The following CD48 variants were observed in gnomAD, a reference collection of about 807,000 sequenced individuals.
CD48 encodes the protein CD48 antigen.
A neutral mutation model predicts 22.0 loss-of-function variants in CD48; 20 were observed. That is an observed-to-expected ratio of 0.91 (90% CI 0.64 to 1.32). The LOEUF (loss-of-function observed/expected upper bound fraction) is 1.32. CD48 is among the 40% of genes most tolerant of loss of function. The pLI is 0.00. For synonymous variants in CD48, 110 were observed against 110.1 expected (o/e 1.00, Z 0.01); for missense variants, 307 against 286.5 (o/e 1.07, Z -0.52).
At chr1:160,704,058 G>T (rs746732276) in intron 1 of CD48, among the ~76,000 whole-genome samples, 1 of 152,134 alleles carries the variant, frequency 6.6e-6, no homozygotes, top group East Asian at 1.9e-4. Flanking sequence ...CATGTCTTGT[G>T]TGTGCATTTA....
At chr1:160,700,292 C>T (rs1015854883) in intron 1 of CD48, among the ~76,000 whole-genome samples, 6 of 152,014 alleles carry the variant, frequency 3.9e-5, no homozygotes, top group African/African-American at 1.5e-4. Flanking sequence ...ATAAAATCAG[C>T]CAAGTGAATT....
intron 2 of CD48, among the ~76,000 whole-genome samples, chr1:160,681,833 T>C (rs1401429014): frequency 6.6e-6 from 1 of 152,192 alleles, no homozygotes; most frequent in Admixed American, 6.5e-5. Flanking sequence ...GGGACCCTTC[T>C]CTAGCAACGG....
intron 1 of CD48, among the ~76,000 whole-genome samples, chr1:160,696,994 AAAAG>A (rs1416101455): frequency 6.6e-6 from 1 of 151,622 alleles, no homozygotes. Context: ...TAGTTAAACA[AAAAG>A]AAGGGGGAGA....
At position 160,706,231 on chromosome 1, in the gene CD48, C is replaced by T. The variant is rs759262750; in HGVS notation, c.82+5451G>A. Reference sequence around the variant, plus strand: ...CTAGGATTACAGGCATGCACCACCACGCCGGGCTAATTTTTTGTATTTAGT... The same window carrying T: ...CTAGGATTACAGGCATGCACCACCATGCCGGGCTAATTTTTTGTATTTAGT... On this transcript the variant is annotated intron_variant, in intron 1 of 3. Coordinates refer to ENST00000368046, the MANE Select transcript of CD48 (RefSeq NM_001778.4). Among the ~76,000 whole-genome samples the T allele has an allele frequency of 5.3e-5, 8 of 152,164 alleles. No individual in the cohort carries two copies. In the Middle Eastern group the frequency reaches 0.01, roughly 194 times the overall value.
intron 1 of CD48, among the ~76,000 whole-genome samples, chr1:160,693,556 G>T (rs1390488292): frequency 6.6e-6 from 1 of 152,292 alleles, no homozygotes; most frequent in Non-Finnish European, 1.5e-5. Flanking sequence ...ATTTAAAAAA[G>T]AATTGCCCAG....
intron 3 of CD48, chr1:160,680,705 C>T: frequency 3.9e-6 from 4 of 1,019,966 alleles, no homozygotes; most frequent in South Asian, 3.9e-5. Flanking sequence ...CTCAGGCTCT[C>T]ACGCCTCCTC....
rs1324181383 is a variant in CD48 at position 160,685,269 on chromosome 1, G to A, written c.83-80C>T. 5 of 1,058,176 alleles carry A rather than the reference G, an allele frequency of 4.7e-6. No individual in the cohort carries two copies. In the African/African-American group the frequency reaches 8.0e-5, roughly 17 times the overall value. The allele number at this position is 1,058,176 out of a possible 1,614,324, so 65.5% of individuals were successfully genotyped here. ...GGCCCAGGGTATAGCCTGGGCTGGTGGAACAGGTGAGAAGGAAGGGATTTC... is the reference window on the plus strand; with the variant it reads ...GGCCCAGGGTATAGCCTGGGCTGGTAGAACAGGTGAGAAGGAAGGGATTTC... On this transcript the variant is annotated intron_variant, in intron 1 of 3. Coordinates refer to ENST00000368046, the MANE Select transcript of CD48 (RefSeq NM_001778.4).
In CD48 at chr1:160,681,186, C is replaced by G. The variant is rs778621677; in HGVS notation, c.652+16G>C. 1.9e-6 allele frequency: 3 copies of G among 1,614,154 alleles called. No individual in the cohort carries two copies. Among genetic ancestry groups the G allele is most frequent in the South Asian group, 1.1e-5 (1 of 91,086 alleles). On this transcript the variant is annotated intron_variant, in intron 3 of 3. Transcript: ENST00000368046. ...GTTACCCTGTGCCCCCCTCAGCTCC[C>G]AGGGATCCTTCTTACCCAGGGTACA...
rs770987414 is a variant in CD48, at chr1:160,681,165, C to G, written c.652+37G>C. On this transcript the variant is annotated intron_variant, in intron 3 of 3. Transcript: ENST00000368046. ...TCTTTGTTCAAAACAACTCCAGTTA[C>G]CCTGTGCCCCCCTCAGCTCCCAGGG... The G allele has an allele frequency of 4.3e-6, 7 of 1,614,048 alleles. No individual in the cohort carries two copies. The South Asian group carries it at 7.7e-5, about 18-fold the overall frequency.
At position 160,696,587 on chromosome 1, in the gene CD48, A is replaced by G. The variant is rs1164011531; in HGVS notation, c.83-11398T>C. On this transcript the variant is annotated intron_variant, in intron 1 of 3. Coordinates refer to ENST00000368046, the MANE Select transcript of CD48 (RefSeq NM_001778.4). Reference sequence around the variant, plus strand: ...AAACAGGCAAAAGATATTGTACAACATTGCACCCAGTGTCAAGTCTTAGAC... The same window carrying G: ...AAACAGGCAAAAGATATTGTACAACGTTGCACCCAGTGTCAAGTCTTAGAC... 2.6e-5 allele frequency among the ~76,000 whole-genome samples: 4 copies of G among 151,764 alleles called. No homozygotes were observed. The East Asian group carries it at 7.7e-4, about 29-fold the overall frequency.
At chr1:160,692,966 T>A (rs1662281823) in intron 1 of CD48, among the ~76,000 whole-genome samples, 1 of 151,808 alleles carries the variant, frequency 6.6e-6, no homozygotes, top group African/African-American at 2.4e-5. Context: ...TCTCTCACCC[T>A]CTCAATTTTT....
intron 2 of CD48, chr1:160,683,564 C>T (rs1377977651): frequency 3.3e-5 from 5 of 149,670 alleles, no homozygotes; most frequent in African/African-American, 2.5e-5. Context: ...AACCAGAACA[C>T]CACTGTAAGA....
intron 2 of CD48, 113 bp downstream of exon 2, chr1:160,684,774 T>C (rs774397086): frequency 6.2e-7 from 1 of 1,612,536 alleles, no homozygotes; most frequent in African/African-American, 1.3e-5. Context: ...AAACCTGTCC[T>C]GAGGTTTTTC....
At chr1:160,710,194 G>A (rs1362766399) in intron 1 of CD48, among the ~76,000 whole-genome samples, 2 of 152,146 alleles carry the variant, frequency 1.3e-5, no homozygotes, top group Non-Finnish European at 2.9e-5. Context: ...TAATAGAATG[G>A]TTTGGAAGTT....
At chr1:160,681,560 GGC>G in intron 2 of CD48, 92 bp from the exon 3 acceptor site, 2 of 1,484,556 alleles carry the variant, frequency 1.3e-6, no homozygotes, top group Non-Finnish European at 1.8e-6. Flanking sequence ...CCAGGGAAGG[GGC>G]CTGAATGCCC....
rs542077286 is a variant in CD48 at position 160,684,753 on chromosome 1, A to G, written c.385+134T>C. 173 of 1,601,608 alleles carry G rather than the reference A, an allele frequency of 1.1e-4. No individual in the cohort carries two copies. The South Asian group carries it at 1.7e-3, about 15-fold the overall frequency. On this transcript the variant is annotated intron_variant, in intron 2 of 3. Coordinates refer to ENST00000368046, the MANE Select transcript of CD48 (RefSeq NM_001778.4). ...ACTCCCAAATAGAATTGGATCAAGGAAAAATGAATCAAACCTGTCCTGAGG... is the reference window on the plus strand; with the variant it reads ...ACTCCCAAATAGAATTGGATCAAGGGAAAATGAATCAAACCTGTCCTGAGG...
intron 1 of CD48, among the ~76,000 whole-genome samples, chr1:160,708,180 A>G (rs1662849077): frequency 6.6e-6 from 1 of 152,202 alleles, no homozygotes; most frequent in Non-Finnish European, 1.5e-5. Flanking sequence ...ACAAGAGGGA[A>G]AAAGAATCAA....
At chr1:160,685,695 C>G (rs902558540) in intron 1 of CD48, among the ~76,000 whole-genome samples, 1 of 152,082 alleles carries the variant, frequency 6.6e-6, no homozygotes, top group Non-Finnish European at 1.5e-5. Context: ...ATCTTGATGA[C>G]TATAATAAAG....
intron 1 of CD48, among the ~76,000 whole-genome samples, chr1:160,694,613 A>G (rs1350845107): frequency 6.6e-6 from 1 of 152,118 alleles, no homozygotes; most frequent in Non-Finnish European, 1.5e-5. Context: ...CATGACCGCT[A>G]CATTATATAG....
Sources: allele counts gnomAD v4.1 joint callset (sites outside exome capture counted in the v4.1 genomes callset), GRCh38; gene constraint gnomAD v4.1.1; transcripts MANE v1.5; gene names NCBI Gene and HGNC (gene_info 2026-07-23, HGNC 2026-07-21).